Variants in RBMS3 observed in about 807,000 individuals in gnomAD.
RBMS3 encodes RNA-binding motif, single-stranded-interacting protein 3.
Under a neutral mutation model 66.8 loss-of-function variants are expected in RBMS3, and 27 were observed. That is an observed-to-expected ratio of 0.40 (90% CI 0.30 to 0.56). The LOEUF is 0.56. Among genes scored for constraint, RBMS3 ranks in the 20% least tolerant of loss-of-function variants. RBMS3 has a pLI of 0.40. For missense variants in RBMS3, 513 were observed against 549.5 expected (o/e 0.93, Z 0.66); for synonymous variants, 188 against 183.0 (o/e 1.03, Z -0.22).
At chr3:29,599,536 A>C (rs143652703) in intron 4 of RBMS3, among the ~76,000 whole-genome samples, 2 of 152,236 alleles carry the variant, frequency 1.3e-5, no homozygotes, top group East Asian at 3.9e-4. Context: ...TAAACTAAAG[A>C]CATCTTTCCA....
intron 6 of RBMS3, among the ~76,000 whole-genome samples, chr3:29,822,063 A>G (rs1313832802): frequency 6.6e-6 from 1 of 152,174 alleles, no homozygotes; most frequent in East Asian, 1.9e-4. Context: ...TTAATTTTTC[A>G]AACTGCACAA....
chr3:29,560,592 G>A (rs1183885589), intron 3 of RBMS3, among the ~76,000 whole-genome samples: 2 of 152,132 alleles, frequency 1.3e-5, no homozygotes, highest in East Asian at 1.9e-4. Context: ...CCGCAACACC[G>A]CATATACAGC....
At chr3:29,372,897 A>G (rs1194168630) in intron 1 of RBMS3, among the ~76,000 whole-genome samples, 2 of 151,940 alleles carry the variant, frequency 1.3e-5, no homozygotes, top group East Asian at 3.8e-4. Context: ...AAAAAAACAA[A>G]AAAGAAAAAA....
At chr3:29,514,088 G>A (rs562012825) in intron 3 of RBMS3, among the ~76,000 whole-genome samples, 29 of 152,212 alleles carry the variant, frequency 1.9e-4, no homozygotes, top group African/African-American at 5.3e-4. Flanking sequence ...ATATTTAAAC[G>A]TGAAGTAGCC....
At chr3:29,839,345 G>A (rs2058607880) in intron 6 of RBMS3, among the ~76,000 whole-genome samples, 1 of 152,074 alleles carries the variant, frequency 6.6e-6, no homozygotes, top group South Asian at 2.1e-4. Context: ...TCATAGTCAG[G>A]AAAGCTTCTG....
chr3:29,454,732 C>T (rs964004679), intron 2 of RBMS3, among the ~76,000 whole-genome samples: 4 of 152,182 alleles, frequency 2.6e-5, no homozygotes, highest in East Asian at 1.9e-4. Context: ...TTCTTTGATT[C>T]GATACAGTGA....
At chr3:29,670,568 C>T (rs1425702479) in intron 4 of RBMS3, among the ~76,000 whole-genome samples, 4 of 152,214 alleles carry the variant, frequency 2.6e-5, no homozygotes, top group Non-Finnish European at 5.9e-5. Flanking sequence ...TGTGCTTTTC[C>T]AATGGTCTTA....
chr3:29,847,611 G>A (rs564763618), intron 6 of RBMS3, among the ~76,000 whole-genome samples: 4 of 152,008 alleles, frequency 2.6e-5, no homozygotes, highest in Admixed American at 6.6e-5. Context: ...AAGGGCATAA[G>A]GGATAAATCT....
intron 12 of RBMS3, among the ~76,000 whole-genome samples, chr3:29,951,587 A>G (rs1192120262): frequency 2.0e-5 from 3 of 151,756 alleles, no homozygotes; most frequent in South Asian, 2.1e-4. Context: ...TAAATAATTG[A>G]AGCTTCCTTT....
At chr3:29,335,842 C>T (rs2035916923) in intron 1 of RBMS3, among the ~76,000 whole-genome samples, 1 of 152,044 alleles carries the variant, frequency 6.6e-6, no homozygotes, top group Non-Finnish European at 1.5e-5. Flanking sequence ...TTTTTCCTCC[C>T]TTCCTCTTAA....
At chr3:29,346,486 C>T (rs1337007186) in intron 1 of RBMS3, among the ~76,000 whole-genome samples, 1 of 147,524 alleles carries the variant, frequency 6.8e-6, no homozygotes, top group Non-Finnish European at 1.5e-5. Context: ...TCACTGCAAC[C>T]TCCGCCTCCC....
chr3:29,432,056 C>T (rs1009923858), intron 1 of RBMS3, among the ~76,000 whole-genome samples: 2 of 152,084 alleles, frequency 1.3e-5, no homozygotes, highest in African/African-American at 4.8e-5. Flanking sequence ...CCAACCTACC[C>T]TGCCTTCCCA....
chr3:29,590,748 A>T (rs2047704814), intron 4 of RBMS3, among the ~76,000 whole-genome samples: 1 of 152,100 alleles, frequency 6.6e-6, no homozygotes, highest in South Asian at 2.1e-4. Flanking sequence ...ATCCCTGCTA[A>T]CAATAAGTTA....
chr3:29,357,869 A>G lies in RBMS3; in HGVS notation c.75+76113A>G, dbSNP rs984576477. Among the ~76,000 whole-genome samples, 22 of 152,204 alleles carry G rather than the reference A, an allele frequency of 1.4e-4. No individual in the cohort carries two copies. The East Asian group carries it at 4.2e-3, about 29-fold the overall frequency. The stretch of plus-strand genomic sequence containing the variant: ...CTTCTTTTGAGAAGTGTCTGTTCAT[A>G]TCCTTCACCCACTTTTTGATGGGGT... On this transcript the variant is annotated intron_variant, in intron 1 of 14. Coordinates refer to ENST00000383767, the MANE Select transcript of RBMS3 (RefSeq NM_001003793.3).
intron 4 of RBMS3, among the ~76,000 whole-genome samples, chr3:29,668,038 G>A (rs141669232): frequency 2.6e-5 from 4 of 151,994 alleles, no homozygotes; most frequent in East Asian, 1.9e-4. Flanking sequence ...TTTCTTTCAT[G>A]TCATTCTCAT....
At chr3:29,564,730 C>T (rs1005798823) in intron 3 of RBMS3, among the ~76,000 whole-genome samples, 5 of 151,956 alleles carry the variant, frequency 3.3e-5, no homozygotes, top group Admixed American at 6.6e-5. Context: ...GCAGAAACTT[C>T]GTGGGAGAAG....
chr3:29,484,118 G>C (rs2043237777), intron 2 of RBMS3, among the ~76,000 whole-genome samples: 2 of 152,226 alleles, frequency 1.3e-5, no homozygotes, highest in Non-Finnish European at 2.9e-5. Flanking sequence ...TTAGGTAAGA[G>C]CTTGGAAGGG....
intron 1 of RBMS3, among the ~76,000 whole-genome samples, chr3:29,303,209 G>A (rs946314720): frequency 1.3e-5 from 2 of 152,044 alleles, no homozygotes; most frequent in Non-Finnish European, 2.9e-5. Flanking sequence ...ACTGAAAGGA[G>A]CTTTGAAGTC....
intron 6 of RBMS3, among the ~76,000 whole-genome samples, chr3:29,810,884 A>AAAG (rs893591870): frequency 1.3e-5 from 2 of 152,184 alleles, no homozygotes; most frequent in Non-Finnish European, 2.9e-5. Flanking sequence ...AAAACGCACC[A>AAAG]AAGTAATAAC....
Sources: gnomAD v4.1 joint callset for allele counts (sites outside exome capture counted in the v4.1 genomes callset) on GRCh38, gnomAD v4.1.1 for gene constraint, MANE v1.5 for transcripts, NCBI Gene and HGNC (gene_info 2026-07-23, HGNC 2026-07-21) for gene names.